The following CTNND2 variants were observed in gnomAD, a reference collection of about 807,000 sequenced individuals.
CTNND2 encodes the protein catenin delta-2.
CTNND2 carries 22 observed loss-of-function variants against 144.4 expected under a neutral mutation model. That is an observed-to-expected ratio of 0.15 (90% CI 0.11 to 0.22). The LOEUF is 0.22. Ranked by LOEUF, CTNND2 falls within the 10% of genes least tolerant of loss-of-function variation. The probability of loss-of-function intolerance (pLI) is 1.00; values close to 1 mark genes in which losing one functional copy is unlikely to be tolerated. For synonymous variants in CTNND2, 751 were observed against 695.6 expected (o/e 1.08, Z -1.25); for missense variants, 1,353 against 1,618.8 (o/e 0.84, Z 2.82).
intron 2 of CTNND2, among the ~76,000 whole-genome samples, chr5:11,598,489 T>G (rs1473895062): frequency 2.0e-5 from 3 of 152,186 alleles, no homozygotes; most frequent in African/African-American, 7.2e-5. Flanking sequence ...AGGTTGATAT[T>G]GTATACACAT....
At position 11,739,386 on chromosome 5, in the gene CTNND2, C is replaced by G. The variant is rs1013693544; in HGVS notation, c.38-7114G>C. 2.0e-5 allele frequency among the ~76,000 whole-genome samples: 3 copies of G among 152,152 alleles called. No homozygotes were observed. The South Asian group carries it at 6.2e-4, about 32-fold the overall frequency. On this transcript the variant is annotated intron_variant, in intron 1 of 21. Transcript: ENST00000304623. ...TTGGCCTGAGTGACCGGCCATCAGCCAAGATGTCAAGAATGTGGGTGGAAC... is the reference window on the plus strand; with the variant it reads ...TTGGCCTGAGTGACCGGCCATCAGCGAAGATGTCAAGAATGTGGGTGGAAC...
chr5:11,122,782 A>G (rs1754274994), intron 12 of CTNND2, among the ~76,000 whole-genome samples: 1 of 151,926 alleles, frequency 6.6e-6, no homozygotes, highest in East Asian at 1.9e-4. Context: ...GGTTTAAGTG[A>G]TACAGAGAGT....
intron 3 of CTNND2, among the ~76,000 whole-genome samples, chr5:11,436,794 T>C (rs1763813592): frequency 6.6e-6 from 1 of 152,224 alleles, no homozygotes. Context: ...TTTCCTAATA[T>C]TTCCCTTTTG....
At chr5:11,102,895 A>G (rs1752037413) in intron 14 of CTNND2, among the ~76,000 whole-genome samples, 1 of 152,112 alleles carries the variant, frequency 6.6e-6, no homozygotes, top group South Asian at 2.1e-4. Flanking sequence ...CAAAGAAAGA[A>G]AAGGAAAAAA....
At chr5:11,563,824 C>T (rs2727597) in intron 3 of CTNND2, among the ~76,000 whole-genome samples, 56,438 of 151,758 alleles carry the variant, frequency 0.37, 10,781 homozygotes, top group African/African-American at 0.46. Context: ...CAAAGTTATA[C>T]TCTTACAAAT....
At chr5:11,751,991 G>A (rs943332651) in intron 1 of CTNND2, among the ~76,000 whole-genome samples, 1 of 151,770 alleles carries the variant, frequency 6.6e-6, no homozygotes, top group East Asian at 1.9e-4. Flanking sequence ...TTCATAAATT[G>A]TTGGCTGTGC....
At chr5:11,779,800 CCAGCAATTTTAGT>C (rs1258446181) in intron 1 of CTNND2, among the ~76,000 whole-genome samples, 1 of 152,158 alleles carries the variant, frequency 6.6e-6, no homozygotes, top group Admixed American at 6.6e-5. Flanking sequence ...TATTAAATTT[CCAGCAATTTTAGT>C]CACTGAAACA....
At chr5:11,601,024 GT>G (rs554677404) in intron 2 of CTNND2, among the ~76,000 whole-genome samples, 34 of 148,754 alleles carry the variant, frequency 2.3e-4, no homozygotes, top group South Asian at 1.7e-3. Flanking sequence ...AAACAGCAAG[GT>G]TTTTTTTTTA....
chr5:11,629,662 A>G, intron 2 of CTNND2, among the ~76,000 whole-genome samples: 1 of 152,048 alleles, frequency 6.6e-6, no homozygotes, highest in East Asian at 1.9e-4. Context: ...ACACAAGTTC[A>G]TTTCTTATTT....
At chr5:11,577,606 A>G (rs2150124819) in intron 2 of CTNND2, among the ~76,000 whole-genome samples, 1 of 152,306 alleles carries the variant, frequency 6.6e-6, no homozygotes, top group South Asian at 2.1e-4. Flanking sequence ...CAAATACTGA[A>G]TGTGTGTGGT....
chr5:11,721,542 C>T (rs1470587630), intron 2 of CTNND2, among the ~76,000 whole-genome samples: 2 of 152,194 alleles, frequency 1.3e-5, no homozygotes, highest in African/African-American at 4.8e-5. Flanking sequence ...TTACAACCAC[C>T]ATCTGCTTTG....
chr5:11,547,488 A>G (rs1354203721), intron 3 of CTNND2, among the ~76,000 whole-genome samples: 1 of 152,128 alleles, frequency 6.6e-6, no homozygotes, highest in Non-Finnish European at 1.5e-5. Flanking sequence ...AAAAAAAGAC[A>G]CAAACTGGGG....
Position 10,973,836 on chromosome 5 carries a change from G to A in CTNND2, c.3418-123C>T. The A allele has an allele frequency of 8.9e-7, 1 of 1,121,926 alleles. No individual in the cohort carries two copies. The highest frequency in any genetic ancestry group is 1.2e-6 in the Non-Finnish European group (1 of 824,182). 69.5% of individuals were successfully genotyped at this position (1,121,926 alleles called of 1,614,324 possible). The stretch of plus-strand genomic sequence containing the variant: ...TGTATATCCAGGCATTCACCACTGT[G>A]GCCCTGCTTCTCCAAAACTGCCAAC... On this transcript the variant is annotated intron_variant, in intron 21 of 21. Coordinates refer to ENST00000304623, the MANE Select transcript of CTNND2 (RefSeq NM_001332.4). The surrounding 1 kb of genome is among the most constrained non-coding windows in gnomAD (Gnocchi z 5.6).
chr5:11,564,920 C>A (rs1010318173), intron 3 of CTNND2, 24 bp downstream of exon 3: 6 of 1,534,144 alleles, frequency 3.9e-6, no homozygotes, highest in Non-Finnish European at 5.4e-6. Flanking sequence ...AAAGCACAGA[C>A]AATGAACAGA....
chr5:11,315,286 T>G (rs1025993001), intron 9 of CTNND2, among the ~76,000 whole-genome samples: 1 of 152,226 alleles, frequency 6.6e-6, no homozygotes, highest in Non-Finnish European at 1.5e-5. Context: ...GCCATCATTT[T>G]ATTAGTTTAA....
intron 9 of CTNND2, among the ~76,000 whole-genome samples, chr5:11,335,361 C>A (rs1580940863): frequency 1.3e-5 from 2 of 152,312 alleles, no homozygotes; most frequent in East Asian, 3.9e-4. Context: ...CTACAACCTG[C>A]TTTGTAAGAC....
intron 1 of CTNND2, among the ~76,000 whole-genome samples, chr5:11,759,881 C>T (rs1268115360): frequency 6.6e-6 from 1 of 151,956 alleles, no homozygotes; most frequent in Non-Finnish European, 1.5e-5. Context: ...AAGGGAAGGG[C>T]TACTGTTTGA....
At chr5:11,083,943 C>A in intron 15 of CTNND2, 4 of 1,147,082 alleles carry the variant, frequency 3.5e-6, no homozygotes, top group Non-Finnish European at 3.3e-6. Context: ...CCTGCCACAT[C>A]CTCAGCCCAG....
chr5:11,111,601 A>C (rs2905986), intron 13 of CTNND2, among the ~76,000 whole-genome samples: 1 of 152,002 alleles, frequency 6.6e-6, no homozygotes, highest in Admixed American at 6.6e-5. Context: ...GATGCCTGAC[A>C]CTCATGTTTT....
Sources: allele counts gnomAD v4.1 joint callset (sites outside exome capture counted in the v4.1 genomes callset), GRCh38; gene constraint gnomAD v4.1.1; non-coding constraint Gnocchi (gnomAD v3.1); transcripts MANE v1.5; gene names NCBI Gene and HGNC (gene_info 2026-07-23, HGNC 2026-07-21).